Variants in BRINP3 observed in about 807,000 individuals in gnomAD.
BRINP3 encodes the protein BMP/retinoic acid-inducible neural-specific protein 3.
BRINP3 carries 19 observed loss-of-function variants against 71.0 expected under a neutral mutation model. The observed-to-expected ratio is 0.27, with a 90% CI of 0.19 to 0.39. The LOEUF is 0.39. Among genes scored for constraint, BRINP3 ranks in the 10% least tolerant of loss-of-function variants. The pLI is 1.00. For missense variants in BRINP3, 959 were observed against 940.8 expected, an observed-to-expected ratio of 1.02 and a Z score of -0.25; for synonymous variants, 380 against 337.7, an observed-to-expected ratio of 1.13 and a Z score of -1.37.
chr1:190,435,775 C>A (rs950172836), intron 2 of BRINP3, among the ~76,000 whole-genome samples: 1 of 151,854 alleles, frequency 6.6e-6, no homozygotes, highest in Non-Finnish European at 1.5e-5. Context: ...ATTGTACAAC[C>A]AAAACCTTAC....
At position 190,275,156 on chromosome 1, in the gene BRINP3, C is replaced by T. The variant is rs184516575; in HGVS notation, c.427+6404G>A. On this transcript the variant is annotated intron_variant, in intron 3 of 7. Coordinates refer to ENST00000367462, the MANE Select transcript of BRINP3 (RefSeq NM_199051.3). Reference sequence around the variant, plus strand: ...GAAAATAAAGGAACTGGAAATAAATCGCTCTGAGGTTAGGTGGCAATGAAT... The same window carrying T: ...GAAAATAAAGGAACTGGAAATAAATTGCTCTGAGGTTAGGTGGCAATGAAT... Among the ~76,000 whole-genome samples the T allele has an allele frequency of 2.6e-3, 396 of 151,652 alleles. 1 individual carries two copies. Among genetic ancestry groups the T allele is most frequent in the Admixed American group, 7.3e-3 (111 of 15,164 alleles).
At chr1:190,339,144 C>A (rs1181466734) in intron 2 of BRINP3, among the ~76,000 whole-genome samples, 6 of 152,034 alleles carry the variant, frequency 3.9e-5, no homozygotes, top group Non-Finnish European at 5.9e-5. Context: ...TTGCCTTACC[C>A]TCTCTAGGAC....
rs1221655527 is a variant in BRINP3 at position 190,280,013 on chromosome 1, T to C, written c.427+1547A>G. Among the ~76,000 whole-genome samples the C allele has an allele frequency of 5.3e-5, 8 of 151,946 alleles. No individual in the cohort carries two copies. The East Asian group carries it at 1.2e-3, about 22-fold the overall frequency. Reference sequence around the variant, plus strand: ...GCCATGGGGATGAAGTGGTGACCAATATAGCTAAGGCCCTTGTTTTTAAGA... The same window carrying C: ...GCCATGGGGATGAAGTGGTGACCAACATAGCTAAGGCCCTTGTTTTTAAGA... On this transcript the variant is annotated intron_variant, in intron 3 of 7. Coordinates refer to ENST00000367462, the MANE Select transcript of BRINP3 (RefSeq NM_199051.3).
At chr1:190,398,412 A>G (rs962915434) in intron 2 of BRINP3, among the ~76,000 whole-genome samples, 2 of 151,996 alleles carry the variant, frequency 1.3e-5, no homozygotes, top group Non-Finnish European at 2.9e-5. Flanking sequence ...CTGAATAACA[A>G]AAAAGGTAAC....
chr1:190,105,362 G>A (rs999790327), intron 7 of BRINP3, among the ~76,000 whole-genome samples: 5 of 151,950 alleles, frequency 3.3e-5, no homozygotes, highest in African/African-American at 1.2e-4. Context: ...ATTTTGGCTT[G>A]CAAGAAGGCA....
chr1:190,151,888 G>C (rs944515260), intron 7 of BRINP3, among the ~76,000 whole-genome samples: 1 of 152,082 alleles, frequency 6.6e-6, no homozygotes. Flanking sequence ...CAAAAAACTG[G>C]AGAAAAGATG....
intron 2 of BRINP3, among the ~76,000 whole-genome samples, chr1:190,366,601 C>G (rs756414833): frequency 1.3e-5 from 2 of 152,088 alleles, no homozygotes; most frequent in African/African-American, 4.8e-5. Context: ...ACCATTAACT[C>G]GAAAGTCCTA....
chr1:190,162,157 A>G (rs1041162364), intron 6 of BRINP3, among the ~76,000 whole-genome samples: 1 of 151,994 alleles, frequency 6.6e-6, no homozygotes, highest in Non-Finnish European at 1.5e-5. Context: ...TATGCTTCAA[A>G]CCATTTTTTA....
At chr1:190,270,026 CAGA>C (rs1339691273) in intron 3 of BRINP3, among the ~76,000 whole-genome samples, 1 of 151,812 alleles carries the variant, frequency 6.6e-6, no homozygotes, top group Non-Finnish European at 1.5e-5. Flanking sequence ...ACTGTGCAGC[CAGA>C]AGAAGGCAGC....
chr1:190,281,806 T>C lies in BRINP3; in HGVS notation c.237-56A>G, dbSNP rs193119644. ...TGCATAATCTATCTGAATGTTTTCA[T>C]TTGAGTTCACTTGGTAGCTGGGGTC... On this transcript the variant is annotated intron_variant, in intron 2 of 7. Transcript: ENST00000367462. 1.5e-4 allele frequency: 228 copies of C among 1,521,064 alleles called. 3 individuals are homozygous for C. The Admixed American group carries it at 4.5e-3, about 30-fold the overall frequency. The allele number at this position is 1,521,064 out of a possible 1,614,324, so 94.2% of individuals were successfully genotyped here. A position where few individuals can be genotyped will look rare whatever the true frequency, so the allele number is the denominator to read the frequency against.
At chr1:190,431,124 G>A (rs1244613322) in intron 2 of BRINP3, among the ~76,000 whole-genome samples, 1 of 152,044 alleles carries the variant, frequency 6.6e-6, no homozygotes, top group African/African-American at 2.4e-5. Flanking sequence ...CAAAAGCATA[G>A]TGCATTTCTG....
chr1:190,226,105 T>G lies in BRINP3; in HGVS notation c.938A>C (p.Tyr313Ser). The change falls in exon 6 of 8, where the codon TAC becomes TCC. Residue 313 changes from tyrosine to serine, a missense_variant. Coordinates refer to ENST00000367462, the MANE Select transcript of BRINP3 (RefSeq NM_199051.3). ...ACCTGATTCCTCAAAGTCACTGTTG[T>G]AAGCTTTCCAGGTTTCAGTTATTCG... is the stretch of plus-strand genomic sequence containing the variant. ...LLRITETWKA[Y>S]NSDFEESDEF... 1 of 1,603,238 alleles carries G rather than the reference T, an allele frequency of 6.2e-7. No individual in the cohort carries two copies. The highest frequency in any genetic ancestry group is 8.5e-7 in the Non-Finnish European group (1 of 1,173,704).
At chr1:190,231,212 T>G (rs1354738789) in intron 5 of BRINP3, among the ~76,000 whole-genome samples, 1 of 151,794 alleles carries the variant, frequency 6.6e-6, no homozygotes, top group Non-Finnish European at 1.5e-5. Flanking sequence ...TCCTTCAGCA[T>G]AAATTATTAT....
chr1:190,409,645 T>G (rs1328219944), intron 2 of BRINP3, among the ~76,000 whole-genome samples: 4 of 152,188 alleles, frequency 2.6e-5, no homozygotes, highest in African/African-American at 9.6e-5. Flanking sequence ...AATATCTCAC[T>G]TTGGGAGAAT....
rs555366982 is a variant in BRINP3 at position 190,238,188 on chromosome 1, C to G, written c.619-3711G>C. On this transcript the variant is annotated intron_variant, in intron 4 of 7. Coordinates refer to ENST00000367462, the MANE Select transcript of BRINP3 (RefSeq NM_199051.3). The stretch of plus-strand genomic sequence containing the variant: ...GAAATAAGTGTTTCTATTTTTTAAT[C>G]ATTCAAAAAACTTTGGGTTGAGAAG... Among the ~76,000 whole-genome samples, 5 of 152,086 alleles carry G rather than the reference C, an allele frequency of 3.3e-5. No homozygotes were observed. In the East Asian group the frequency reaches 9.7e-4, roughly 29 times the overall value.
intron 3 of BRINP3, among the ~76,000 whole-genome samples, chr1:190,267,659 A>C (rs1016049330): frequency 2.0e-5 from 3 of 152,118 alleles, no homozygotes; most frequent in African/African-American, 7.2e-5. Context: ...AAAAACACCG[A>C]TTAGTTAACC....
intron 7 of BRINP3, among the ~76,000 whole-genome samples, chr1:190,110,776 A>G (rs1571724613): frequency 1.3e-5 from 2 of 152,286 alleles, no homozygotes; most frequent in Non-Finnish European, 2.9e-5. Flanking sequence ...TCCATGAAAA[A>G]AAATTACAAA....
chr1:190,171,900 A>G (rs1652044846), intron 6 of BRINP3, among the ~76,000 whole-genome samples: 1 of 151,856 alleles, frequency 6.6e-6, no homozygotes, highest in African/African-American at 2.4e-5. Context: ...TGACACCAGA[A>G]GTTTGAGACC....
intron 2 of BRINP3, among the ~76,000 whole-genome samples, chr1:190,313,385 C>T (rs12059412): frequency 0.01 from 1,585 of 151,874 alleles, 26 homozygotes; most frequent in African/African-American, 0.037. Context: ...CAGAAGTCAG[C>T]GTGAAGGGTG....
Sources: gnomAD v4.1 joint callset for allele counts (sites outside exome capture counted in the v4.1 genomes callset) on GRCh38, gnomAD v4.1.1 for gene constraint, MANE v1.5 for transcripts, NCBI Gene and HGNC (gene_info 2026-07-23, HGNC 2026-07-21) for gene names.